PLXNA4: variants seen among roughly 807,000 people sequenced by gnomAD.
PLXNA4 encodes plexin A4.
Under a neutral mutation model 191.8 loss-of-function variants are expected in PLXNA4, and 44 were observed. The ratio of observed to expected loss-of-function variants is 0.23; its 90% CI spans 0.18 to 0.29. The LOEUF (loss-of-function observed/expected upper bound fraction) is 0.29. PLXNA4 is among the 10% of genes least tolerant of loss of function. The pLI, the probability that PLXNA4 is intolerant of heterozygous loss-of-function variation, is 1.00. For missense variants in PLXNA4, 1,800 were observed against 2,488.8 expected, an observed-to-expected ratio of 0.72 and a Z score of 5.89; for synonymous variants, 1,082 against 1,009.5, an observed-to-expected ratio of 1.07 and a Z score of -1.36.
At chr7:132,258,439 T>C (rs1799508703) in intron 4 of PLXNA4, among the ~76,000 whole-genome samples, 1 of 152,234 alleles carries the variant, frequency 6.6e-6, no homozygotes, top group Non-Finnish European at 1.5e-5. Context: ...CGTCAGGCCG[T>C]TGCTGGCAGT....
intron 3 of PLXNA4, among the ~76,000 whole-genome samples, chr7:132,407,737 G>A (rs1794282309): frequency 6.6e-6 from 1 of 152,226 alleles, no homozygotes; most frequent in Non-Finnish European, 1.5e-5. Flanking sequence ...TGGATGCAGG[G>A]CTTTGTTGAA....
chr7:132,642,299 T>A (rs1390983133), intron 2 of PLXNA4, among the ~76,000 whole-genome samples: 1 of 152,136 alleles, frequency 6.6e-6, no homozygotes, highest in East Asian at 1.9e-4. Flanking sequence ...TTTCCTCTAT[T>A]TTCCATCTAG....
At chr7:132,203,244 C>CGAGAATGCAG in intron 11 of PLXNA4, 79 bp downstream of exon 11, 1 of 1,352,734 alleles carries the variant, frequency 7.4e-7, no homozygotes, top group Non-Finnish European at 1.0e-6. Context: ...ATGACTCCCG[C>CGAGAATGCAG]GAGAATGCAG....
intron 15 of PLXNA4, among the ~76,000 whole-genome samples, chr7:132,186,701 A>G (rs1004233618): frequency 3.9e-5 from 6 of 152,336 alleles, no homozygotes; most frequent in Middle Eastern, 3.4e-3. Context: ...AACGGACCCT[A>G]TCTTGCTTTT....
intron 3 of PLXNA4, among the ~76,000 whole-genome samples, chr7:132,428,883 T>A (rs934323893): frequency 5.3e-5 from 8 of 152,178 alleles, no homozygotes; most frequent in African/African-American, 1.9e-4. Context: ...AGAAAAAGGC[T>A]GAACTGAGTC....
chr7:132,246,908 A>G (rs73157208), intron 4 of PLXNA4, among the ~76,000 whole-genome samples: 5,732 of 152,224 alleles, frequency 0.038, 159 homozygotes, highest in Non-Finnish European at 0.058. Flanking sequence ...GAATGACTGA[A>G]AAGAGAGCAA....
chr7:132,220,905 C>T (rs1438883633), intron 9 of PLXNA4, among the ~76,000 whole-genome samples: 1 of 150,782 alleles, frequency 6.6e-6, no homozygotes, highest in Non-Finnish European at 1.5e-5. Flanking sequence ...CTCAATCTCC[C>T]AGGCTCAAGC....
At chr7:132,198,052 G>C (rs1030025103) in intron 13 of PLXNA4, among the ~76,000 whole-genome samples, 2 of 152,132 alleles carry the variant, frequency 1.3e-5, no homozygotes, top group Non-Finnish European at 2.9e-5. Context: ...AATAATCTAA[G>C]GCACCCACAA....
intron 4 of PLXNA4, among the ~76,000 whole-genome samples, chr7:132,248,944 TG>T (rs1427232411): frequency 6.6e-6 from 1 of 152,184 alleles, no homozygotes; most frequent in African/African-American, 2.4e-5. Context: ...GCTTGGGCCA[TG>T]GGGCTAATCC....
At chr7:132,241,000 G>T in intron 5 of PLXNA4, 66 bp downstream of exon 5, 2 of 1,156,924 alleles carry the variant, frequency 1.7e-6, no homozygotes, top group Non-Finnish European at 2.5e-6. Flanking sequence ...TGATGACAGA[G>T]AAGCAGAGGA....
At chr7:132,424,359 G>T (rs1158534643) in intron 3 of PLXNA4, among the ~76,000 whole-genome samples, 2 of 152,184 alleles carry the variant, frequency 1.3e-5, no homozygotes, top group Non-Finnish European at 2.9e-5. Context: ...TGGCTGAAGG[G>T]GCTGAGGAGG....
chr7:132,162,161 G>A (rs564976559), intron 24 of PLXNA4, among the ~76,000 whole-genome samples: 1 of 152,370 alleles, frequency 6.6e-6, no homozygotes, highest in East Asian at 1.9e-4. Flanking sequence ...TGCACGCCCT[G>A]TGTGCTGCTG....
At chr7:132,312,164 T>C (rs1801770725) in intron 3 of PLXNA4, among the ~76,000 whole-genome samples, 1 of 151,632 alleles carries the variant, frequency 6.6e-6, no homozygotes, top group Non-Finnish European at 1.5e-5. Flanking sequence ...ATAATAATAA[T>C]AATAATAATA....
rs116043907 is a variant in PLXNA4 at position 132,467,437 on chromosome 7, G to A, written c.1371+21855C>T. Among the ~76,000 whole-genome samples the A allele has an allele frequency of 8.8e-3, 1,337 of 152,260 alleles. 27 individuals are homozygous for A. Among genetic ancestry groups the A allele is most frequent in the African/African-American group, 0.031 (1,274 of 41,540 alleles). On this transcript the variant is annotated intron_variant, in intron 3 of 31. Transcript: ENST00000321063. Reference sequence around the variant, plus strand: ...AAGACCTTGGCCTTGTTACTATACTGCTTCATACAACTTGATCGTCCCATC... The same window carrying A: ...AAGACCTTGGCCTTGTTACTATACTACTTCATACAACTTGATCGTCCCATC...
chr7:132,196,337 C>T (rs1349865394), intron 13 of PLXNA4, among the ~76,000 whole-genome samples: 1 of 152,190 alleles, frequency 6.6e-6, no homozygotes, highest in African/African-American at 2.4e-5. Context: ...TGTGGCCAGT[C>T]TTGCTTTTCT....
At chr7:132,189,178 G>A (rs1797012464) in intron 14 of PLXNA4, among the ~76,000 whole-genome samples, 1 of 151,760 alleles carries the variant, frequency 6.6e-6, no homozygotes, top group Admixed American at 6.6e-5. Flanking sequence ...GTGGGTGAGG[G>A]TTCTTAGAAG....
chr7:132,221,360 A>G (rs1327125605), intron 9 of PLXNA4, among the ~76,000 whole-genome samples: 2 of 152,246 alleles, frequency 1.3e-5, no homozygotes, highest in Non-Finnish European at 2.9e-5. Context: ...CTCTCCGCAC[A>G]TAGAACCTCT....
intron 9 of PLXNA4, among the ~76,000 whole-genome samples, chr7:132,222,072 T>C (rs1415175263): frequency 6.6e-6 from 1 of 152,224 alleles, no homozygotes; most frequent in African/African-American, 2.4e-5. Context: ...TTTCTACTCT[T>C]TCTTTCTTGT....
intron 6 of PLXNA4, among the ~76,000 whole-genome samples, chr7:132,227,947 A>G (rs975965812): frequency 2.0e-4 from 30 of 152,302 alleles, no homozygotes; most frequent in African/African-American, 7.0e-4. Flanking sequence ...TTGGAAAAAT[A>G]GAAACACCAA....
Sources: gnomAD v4.1 joint callset for allele counts (sites outside exome capture counted in the v4.1 genomes callset) on GRCh38, gnomAD v4.1.1 for gene constraint, MANE v1.5 for transcripts, NCBI Gene and HGNC (gene_info 2026-07-23, HGNC 2026-07-21) for gene names.